Variants in ASIC2 observed in about 807,000 individuals in gnomAD.
ASIC2 encodes acid sensing ion channel subunit 2, also known as acid-sensing ion channel 2.
In ASIC2, 25 loss-of-function variants were observed where a neutral mutation model predicts 57.3. The observed-to-expected ratio is 0.44, with a 90% CI of 0.32 to 0.61. The LOEUF is 0.61. Among genes scored for constraint, ASIC2 ranks in the 20% least tolerant of loss-of-function variants. The pLI is 0.06. For synonymous variants in ASIC2, 319 were observed against 307.5 expected (o/e 1.04, Z -0.39); for missense variants, 641 against 738.1 (o/e 0.87, Z 1.52).
intron 1 of ASIC2, among the ~76,000 whole-genome samples, chr17:33,659,501 A>T (rs1907182022): frequency 6.6e-6 from 1 of 152,238 alleles, no homozygotes; most frequent in South Asian, 2.1e-4. Context: ...ACTGTAGGCA[A>T]TTGTAACACA....
intron 1 of ASIC2, among the ~76,000 whole-genome samples, chr17:33,807,645 T>G (rs1408066543): frequency 5.3e-5 from 8 of 151,928 alleles, no homozygotes; most frequent in Non-Finnish European, 2.9e-5. Flanking sequence ...GGTTCCCCAC[T>G]TCTAATCTTG....
At chr17:33,247,237 T>A (rs1013615192) in intron 1 of ASIC2, among the ~76,000 whole-genome samples, 2 of 152,224 alleles carry the variant, frequency 1.3e-5, no homozygotes, top group Non-Finnish European at 2.9e-5. Context: ...GGTGAGCCAA[T>A]TTCTAGTCAA....
chr17:33,797,115 C>G (rs79674440), intron 1 of ASIC2, among the ~76,000 whole-genome samples: 3 of 152,144 alleles, frequency 2.0e-5, no homozygotes, highest in Non-Finnish European at 2.9e-5. Flanking sequence ...TCACCCCTGA[C>G]GCAGTGCCCA....
chr17:33,728,353 T>A (rs1340950196), intron 1 of ASIC2, among the ~76,000 whole-genome samples: 1 of 152,128 alleles, frequency 6.6e-6, no homozygotes, highest in East Asian at 1.9e-4. Flanking sequence ...CCTAAAATTG[T>A]ACCCTGATTT....
intron 3 of ASIC2, among the ~76,000 whole-genome samples, chr17:33,048,896 C>T (rs1342611950): frequency 6.6e-6 from 1 of 152,212 alleles, no homozygotes; most frequent in African/African-American, 2.4e-5. Context: ...GTATTATTTT[C>T]TTCCAGGTTT....
intron 1 of ASIC2, among the ~76,000 whole-genome samples, chr17:33,425,432 T>C (rs1911184752): frequency 6.6e-6 from 1 of 152,040 alleles, no homozygotes; most frequent in Non-Finnish European, 1.5e-5. Flanking sequence ...TACATAATAG[T>C]TGGGGGAAAG....
At chr17:33,432,844 C>T (rs111615459) in intron 1 of ASIC2, among the ~76,000 whole-genome samples, 167 of 152,138 alleles carry the variant, frequency 1.1e-3, no homozygotes, top group African/African-American at 3.4e-3. Context: ...AAATCAAAGC[C>T]GCAATGAGAT....
intron 1 of ASIC2, among the ~76,000 whole-genome samples, chr17:34,126,381 A>C (rs1302032977): frequency 1.3e-5 from 2 of 152,182 alleles, no homozygotes; most frequent in East Asian, 1.9e-4. Context: ...GTGGTGGAGG[A>C]AAGTACGGAA....
chr17:33,644,294 T>G (rs761642659), intron 1 of ASIC2, among the ~76,000 whole-genome samples: 1 of 152,244 alleles, frequency 6.6e-6, no homozygotes, highest in Non-Finnish European at 1.5e-5. Flanking sequence ...TCATTGATTA[T>G]GATGGGCTGT....
At chr17:33,421,574 C>T (rs1031617510) in intron 1 of ASIC2, among the ~76,000 whole-genome samples, 2 of 152,158 alleles carry the variant, frequency 1.3e-5, no homozygotes, top group African/African-American at 4.8e-5. Flanking sequence ...ATGGGTGCAG[C>T]AAGTTGCATT....
intron 1 of ASIC2, among the ~76,000 whole-genome samples, chr17:33,276,918 A>G (rs1904727949): frequency 6.6e-6 from 1 of 152,182 alleles, no homozygotes; most frequent in African/African-American, 2.4e-5. Context: ...GTCTGGGGAC[A>G]GAGGCCCTTC....
intron 1 of ASIC2, among the ~76,000 whole-genome samples, chr17:33,820,177 G>T (rs1340519031): frequency 6.6e-6 from 1 of 152,126 alleles, no homozygotes; most frequent in African/African-American, 2.4e-5. Flanking sequence ...AATTTAAAAA[G>T]TCTTACTAGG....
chr17:33,454,447 C>T (rs1365749723), intron 1 of ASIC2, among the ~76,000 whole-genome samples: 2 of 152,226 alleles, frequency 1.3e-5, no homozygotes, highest in Non-Finnish European at 2.9e-5. Flanking sequence ...CATAAAACAT[C>T]ATGCCCATTG....
At chr17:33,240,089 G>A (rs1315479384) in intron 1 of ASIC2, among the ~76,000 whole-genome samples, 1 of 152,186 alleles carries the variant, frequency 6.6e-6, no homozygotes, top group Non-Finnish European at 1.5e-5. Flanking sequence ...TTCAACCCAG[G>A]AGCCAAAAAC....
At chr17:33,744,985 A>G (rs569868492) in intron 1 of ASIC2, among the ~76,000 whole-genome samples, 3 of 152,372 alleles carry the variant, frequency 2.0e-5, no homozygotes, top group Non-Finnish European at 4.4e-5. Flanking sequence ...GGATAGATCA[A>G]CAGAGATTAT....
intron 1 of ASIC2, among the ~76,000 whole-genome samples, chr17:33,520,710 C>T (rs771664529): frequency 6.6e-6 from 1 of 152,232 alleles, no homozygotes; most frequent in African/African-American, 2.4e-5. Context: ...GTGAGCGGCC[C>T]CAAAGCTTAA....
At position 34,052,141 on chromosome 17, in the gene ASIC2, A is replaced by T. The variant is rs562625410; in HGVS notation, c.555+103837T>A. On this transcript the variant is annotated intron_variant, in intron 1 of 9. Coordinates refer to the ASIC2 transcript ENST00000359872. ...CACTCACTGGCAACAATTTGTTCCA[A>T]AGCACTGACTGTGTGAAAGCTCAGC... 5.3e-5 allele frequency among the ~76,000 whole-genome samples: 8 copies of T among 152,274 alleles called. 1 individual carries two copies. The highest frequency in any genetic ancestry group is 5.2e-4 in the Admixed American group (8 of 15,300).
In ASIC2 at chr17:33,543,789, C is replaced by T. The variant is rs573982336; in HGVS notation, c.556-431722G>A. Among the ~76,000 whole-genome samples the T allele has an allele frequency of 4.0e-4, 61 of 152,326 alleles. No homozygotes were observed. The Middle Eastern group carries it at 0.014, about 34-fold the overall frequency. ...CAGTTCAGAGAGGTTAAGGAAGCTG[C>T]CCAGGGCACAGAGCTAGTAAACGGA... is the stretch of plus-strand genomic sequence containing the variant. On this transcript the variant is annotated intron_variant, in intron 1 of 9. Coordinates refer to the ASIC2 transcript ENST00000359872.
At chr17:33,846,543 G>A (rs1180008570) in intron 1 of ASIC2, among the ~76,000 whole-genome samples, 1 of 152,136 alleles carries the variant, frequency 6.6e-6, no homozygotes, top group Non-Finnish European at 1.5e-5. Flanking sequence ...AATTAAAGAT[G>A]TGTATGATGC....
Sources: allele counts gnomAD v4.1 joint callset (sites outside exome capture counted in the v4.1 genomes callset), GRCh38; gene constraint gnomAD v4.1.1; transcripts MANE v1.5; gene names NCBI Gene and HGNC (gene_info 2026-07-23, HGNC 2026-07-21).